LEMD3: variants seen among roughly 807,000 people sequenced by gnomAD.
The protein encoded by LEMD3 is inner nuclear membrane protein Man1.
A neutral mutation model predicts 95.2 loss-of-function variants in LEMD3; 33 were observed. The ratio of observed to expected loss-of-function variants is 0.35; its 90% CI spans 0.26 to 0.46. The LOEUF (loss-of-function observed/expected upper bound fraction) is 0.46. Among genes scored for constraint, LEMD3 ranks in the 20% least tolerant of loss-of-function variants. The pLI, the probability that LEMD3 is intolerant of heterozygous loss-of-function variation, is 1.00. For missense variants in LEMD3, 1,210 were observed against 1,192.8 expected, an observed-to-expected ratio of 1.01 and a Z score of -0.21; for synonymous variants, 525 against 474.6, an observed-to-expected ratio of 1.11 and a Z score of -1.38.
chr12:65,200,611 T>A (rs995362479), intron 1 of LEMD3, among the ~76,000 whole-genome samples: 1 of 152,204 alleles, frequency 6.6e-6, no homozygotes, highest in African/African-American at 2.4e-5. Flanking sequence ...GTGGATCATC[T>A]TTTCTGTATA....
intron 2 of LEMD3, 40 bp from the exon 3 acceptor site, chr12:65,215,937 T>G: frequency 2.4e-6 from 2 of 845,446 alleles, no homozygotes; most frequent in Non-Finnish European, 3.8e-6. Context: ...GTTTTTTTTC[T>G]TGTAATTGGG....
At chr12:65,180,213 T>A (rs548019949) in intron 1 of LEMD3, among the ~76,000 whole-genome samples, 1 of 152,246 alleles carries the variant, frequency 6.6e-6, no homozygotes, top group East Asian at 1.9e-4. Flanking sequence ...CTCAAAGTGC[T>A]GGGGTTACAG....
chr12:65,235,510 T>C (rs1870747040), intron 4 of LEMD3, among the ~76,000 whole-genome samples: 1 of 152,104 alleles, frequency 6.6e-6, no homozygotes, highest in South Asian at 2.1e-4. Flanking sequence ...GGATCAAAAA[T>C]CTTAGTGGCA....
chr12:65,244,895 G>GA, intron 10 of LEMD3, among the ~76,000 whole-genome samples: 1 of 152,104 alleles, frequency 6.6e-6, no homozygotes, highest in African/African-American at 2.4e-5. Flanking sequence ...ATATTGCAGT[G>GA]AGCCGAGATC....
intron 9 of LEMD3, among the ~76,000 whole-genome samples, chr12:65,241,586 C>T (rs1870940543): frequency 6.6e-6 from 1 of 151,802 alleles, no homozygotes; most frequent in Non-Finnish European, 1.5e-5. Flanking sequence ...TTCTTAATGC[C>T]TACATAGTTT....
rs964323338 is a variant in LEMD3 at position 65,199,030 on chromosome 12, C to T, written c.1523-11896C>T. Among the ~76,000 whole-genome samples the T allele has an allele frequency of 3.3e-5, 5 of 152,084 alleles. No homozygotes were observed. The South Asian group carries it at 1.0e-3, about 32-fold the overall frequency. ...TGGAGTTTTGAGCTGCCGGGACTTA[C>T]TTTTGTCTTTGTGGGACGGGTGAAG... On this transcript the variant is annotated intron_variant, in intron 1 of 12. Transcript: ENST00000308330.
chr12:65,214,354 A>C (rs1002483612), intron 2 of LEMD3, among the ~76,000 whole-genome samples: 14 of 152,184 alleles, frequency 9.2e-5, no homozygotes, highest in Admixed American at 2.0e-4. Context: ...TGTGAAGATA[A>C]GGACTGGCTT....
intron 4 of LEMD3, among the ~76,000 whole-genome samples, chr12:65,224,676 T>G (rs1186379696): frequency 6.6e-6 from 1 of 152,152 alleles, no homozygotes; most frequent in South Asian, 2.1e-4. Flanking sequence ...TTTCAACAAT[T>G]TGAACATAAC....
At position 65,246,250 on chromosome 12, in the gene LEMD3, A is replaced by G. The variant is rs141624082; in HGVS notation, c.2661A>G (p.Pro887=). 4.3e-6 allele frequency: 7 copies of G among 1,613,262 alleles called. No individual in the cohort carries two copies. The highest frequency in any genetic ancestry group is 1.3e-5 in the African/African-American group (1 of 74,926). The change falls in exon 13 of 13, where the codon CCA becomes CCG. Residue 887 remains proline (P), a synonymous_variant. Transcript: ENST00000308330. ...TCACTTCCAACACTCCATTGAAGCC[A>G]TCAAATAAACATATGAACTCCATGT... ...QALTSNTPLK[P]SNKHMNSMSH...
chr12:65,171,445 T>A, intron 1 of LEMD3: 1 of 337,966 alleles, frequency 3.0e-6, no homozygotes, highest in South Asian at 2.8e-5. Context: ...AGATGCCAGT[T>A]ACTTAACAAA....
intron 1 of LEMD3, among the ~76,000 whole-genome samples, chr12:65,181,630 G>C (rs1193670061): frequency 1.3e-5 from 2 of 152,098 alleles, no homozygotes; most frequent in African/African-American, 4.8e-5. Flanking sequence ...AAAAGAAATA[G>C]TTGGCTAATT....
In LEMD3 at chr12:65,169,815, C is replaced by A; in HGVS notation, c.219C>A (p.Ala73=). ...ACAGTAATAACAATAACACGGCAGC[C>A]GCCACGGTCGCAGCCGCGGGACCAG... ...TRNSNNNNTA[A]ATVAAAGPAA... is the part of the protein sequence containing the mutation. The change falls in exon 1 of 13, where the codon GCC becomes GCA. Residue 73 remains alanine (A), a synonymous_variant. Transcript: ENST00000308330. 1 of 1,492,946 alleles carries A rather than the reference C, an allele frequency of 6.7e-7. No individual in the cohort carries two copies. The highest frequency in any genetic ancestry group is 8.9e-7 in the Non-Finnish European group (1 of 1,119,100). The allele number at this position is 1,492,946 out of a possible 1,614,324, so 92.5% of individuals were successfully genotyped here.
rs982795696 is a variant in LEMD3 at position 65,170,163 on chromosome 12, G to A, written c.567G>A (p.Glu189=). The change falls in exon 1 of 13, where the codon GAG becomes GAA. Residue 189 remains glutamate (E), a synonymous_variant. Transcript: ENST00000308330. ...ASEVTNSNSA[E]RRKPHSWWGA... is the part of the protein sequence containing the mutation. ...AGGTGACTAACAGCAACTCTGCAGA[G>A]CGAAGGAAGCCCCACTCGTGGTGGG... The A allele has an allele frequency of 1.3e-6, 2 of 1,489,972 alleles. No homozygotes were observed. Among genetic ancestry groups the A allele is most frequent in the Non-Finnish European group, 8.9e-7 (1 of 1,124,670 alleles). The allele number at this position is 1,489,972 out of a possible 1,614,324, so 92.3% of individuals were successfully genotyped here. A position where few individuals can be genotyped will look rare whatever the true frequency, so the allele number is the denominator to read the frequency against.
chr12:65,201,586 C>T (rs1869601063), intron 1 of LEMD3, among the ~76,000 whole-genome samples: 1 of 152,092 alleles, frequency 6.6e-6, no homozygotes, highest in South Asian at 2.1e-4. Context: ...ATTTTAAATT[C>T]CACTTGTTCC....
rs189587135 is a variant in LEMD3, at chr12:65,217,407, A to G, written c.1628-1145A>G. On this transcript the variant is annotated intron_variant, in intron 3 of 12. Coordinates refer to ENST00000308330, the MANE Select transcript of LEMD3 (RefSeq NM_014319.5). Reference sequence around the variant, plus strand: ...TCTAAATCTCTGAGGATGCACTAATAAACTTTCAAGACTTGTTCATCTGAT... The same window carrying G: ...TCTAAATCTCTGAGGATGCACTAATGAACTTTCAAGACTTGTTCATCTGAT... Among the ~76,000 whole-genome samples the G allele has an allele frequency of 4.6e-5, 7 of 152,354 alleles. No individual in the cohort carries two copies. In the East Asian group the frequency reaches 1.3e-3, roughly 29 times the overall value.
rs373040508 is a variant in LEMD3 at position 65,239,948 on chromosome 12, C to G, written c.1941C>G (p.Val647=). 6.8e-6 allele frequency: 11 copies of G among 1,609,350 alleles called. No individual in the cohort carries two copies. The African/African-American group carries it at 1.2e-4, about 18-fold the overall frequency. ...LLCLGVVMVC[V]VLRYMKYRWT... Reference sequence around the variant, plus strand: ...TTACAGGTGTAGTGATGGTTTGTGTCGTTCTGCGTTACATGAAATATCGAT... The same window carrying G: ...TTACAGGTGTAGTGATGGTTTGTGTGGTTCTGCGTTACATGAAATATCGAT... Residue 647 remains valine, a synonymous_variant, in exon 7 of 13, where the codon GTC becomes GTG. Transcript: ENST00000308330.
chr12:65,230,214 T>A (rs1025031117), intron 4 of LEMD3, among the ~76,000 whole-genome samples: 4 of 152,188 alleles, frequency 2.6e-5, no homozygotes, highest in Admixed American at 6.5e-5. Flanking sequence ...AGCTTTGTAG[T>A]GTATTTTGAG....
intron 2 of LEMD3, 50 bp from the exon 3 acceptor site, chr12:65,215,927 G>GT (rs34604927): frequency 0.52 from 360,721 of 687,530 alleles, 101,768 homozygotes; most frequent in Middle Eastern, 0.63. Context: ...ATTATTTGGT[G>GT]TTTTTTTTCT....
chr12:65,178,533 A>C (rs1248016822), intron 1 of LEMD3, among the ~76,000 whole-genome samples: 1 of 152,218 alleles, frequency 6.6e-6, no homozygotes, highest in Non-Finnish European at 1.5e-5. Flanking sequence ...ATATCCTCAT[A>C]TGAAAAATAG....
Sources: gnomAD v4.1 joint callset for allele counts (sites outside exome capture counted in the v4.1 genomes callset) on GRCh38, gnomAD v4.1.1 for gene constraint, MANE v1.5 for transcripts, NCBI Gene and HGNC (gene_info 2026-07-23, HGNC 2026-07-21) for gene names.